The following HUWE1 variants were observed in gnomAD, a reference collection of about 807,000 sequenced individuals.
The protein encoded by HUWE1 is HECT, UBA and WWE domain containing E3 ubiquitin protein ligase 1, also known as E3 ubiquitin-protein ligase HUWE1.
Under a neutral mutation model 299.4 loss-of-function variants are expected in HUWE1, and 18 were observed. The observed-to-expected ratio is 0.06, with a 90% confidence interval of 0.04 to 0.09. The LOEUF (loss-of-function observed/expected upper bound fraction) is 0.09, where lower values mean the gene tolerates loss of function less well. HUWE1 is among the 10% of genes least tolerant of loss of function. HUWE1 has a pLI of 1.00. For missense variants in HUWE1, 1,832 were observed against 3,462.3 expected (o/e 0.53, Z 11.82); for synonymous variants, 1,317 against 1,286.1 (o/e 1.02, Z -0.51).
chrX:53,686,005 G>T (rs2070414843), intron 2 of HUWE1, among the ~76,000 whole-genome samples: 1 of 111,853 alleles, frequency 8.9e-6, no homozygotes, highest in Admixed American at 9.4e-5. Flanking sequence ...CATAAATTTG[G>T]ATTCCCGGAT....
At position 53,560,362 on chromosome X, in the gene HUWE1, C is replaced by T. The variant is rs1556939842; in HGVS notation, c.7562G>A (p.Arg2521His). ...TGTCAGAGAACTGTGGTCTGCATGG[C>T]GCACCATCAGTGGATGGGTGGTAGG... The part of the protein sequence containing the change: ...NIPTTHPLMV[R>H]HADHSSLTLG... The change falls in exon 56 of 84, where the codon CGC becomes CAC. Residue 2521 changes from arginine (R) to histidine (H), a missense_variant. By Grantham distance (29) the Arg-to-His change is conservative. Coordinates refer to ENST00000262854, the MANE Select transcript of HUWE1 (RefSeq NM_031407.7). 2 of 1,211,389 alleles carry T rather than the reference C, an allele frequency of 1.7e-6. No homozygotes were observed. Among genetic ancestry groups the T allele is most frequent in the Non-Finnish European group, 2.2e-6 (2 of 895,372 alleles).
intron 17 of HUWE1, chrX:53,625,670 T>C (rs906317990): frequency 5.9e-5 from 10 of 168,889 alleles, no homozygotes; most frequent in Admixed American, 1.5e-4. Context: ...GGAGCATGAA[T>C]AGTCATGGGA....
chrX:53,619,765 C>G (rs1159069558), intron 19 of HUWE1, among the ~76,000 whole-genome samples: 1 of 111,243 alleles, frequency 9.0e-6, no homozygotes, highest in Non-Finnish European at 1.9e-5. Flanking sequence ...AGATGTACTT[C>G]AATAGAACTG....
chrX:53,562,126 A>C lies in HUWE1; in HGVS notation c.7323T>G (p.Asp2441Glu). 8.3e-7 allele frequency: 1 copy of C among 1,200,969 alleles called. No homozygotes were observed. The highest frequency in any genetic ancestry group is 1.1e-6 in the Non-Finnish European group (1 of 886,333). ...SQDEEEEEEE[D>E]EEDDQEDDEG... ...CCCCCCTCACCTGATCATCTTCCTC[A>C]TCTTCCTCCTCCTCCTCCTCTTCAT... is the stretch of plus-strand genomic sequence containing the variant. Residue 2441 changes from aspartate to glutamate, a missense_variant, in exon 54 of 84, where the codon GAT (aspartate) becomes GAG (glutamate). Around this residue, in one of 15 missense-constraint regions of HUWE1, gnomAD observed 170 missense variants for 335.8 expected, o/e 0.51. Transcript: ENST00000262854.
At chrX:53,581,460 G>C (rs1556967690) in intron 42 of HUWE1, among the ~76,000 whole-genome samples, 2 of 112,241 alleles carry the variant, frequency 1.8e-5, no homozygotes, top group African/African-American at 6.5e-5. Flanking sequence ...GATAGCCACT[G>C]GAGATACTGA....
chrX:53,581,037 GAGAA>G lies in HUWE1; in HGVS notation c.5521-15_5521-12del. ...TGCTGAGCGAACAACCTAGTAAAGA[GAGAA>G]AGAAACACTGTCGATTAAACACTAC... On this transcript the variant is annotated splice_polypyrimidine_tract_variant and intron_variant, in intron 42 of 83. Coordinates refer to ENST00000262854, the MANE Select transcript of HUWE1 (RefSeq NM_031407.7). 8.5e-7 allele frequency: 1 copy of G among 1,180,570 alleles called. No homozygotes were observed. Among genetic ancestry groups the G allele is most frequent in the Non-Finnish European group, 1.1e-6 (1 of 872,840 alleles).
At chrX:53,591,884 CACAT>C (rs2064183456) in intron 33 of HUWE1, among the ~76,000 whole-genome samples, 1 of 112,120 alleles carries the variant, frequency 8.9e-6, no homozygotes, top group Non-Finnish European at 1.9e-5. Context: ...AAAGCTGACA[CACAT>C]ACATACAAAC....
chrX:53,649,807 G>A (rs1480934362), intron 4 of HUWE1, among the ~76,000 whole-genome samples: 2 of 112,112 alleles, frequency 1.8e-5, no homozygotes, highest in Non-Finnish European at 3.8e-5. Context: ...CCAATTTTAC[G>A]ATGTGTAGGT....
At position 53,538,722 on chromosome X, in the gene HUWE1, ACACTCTCTCTCTCT is replaced by A. The variant is rs1428819590; in HGVS notation, c.11878+99_11878+112del. The A allele has an allele frequency of 1.8e-5, 8 of 439,974 alleles. No individual in the cohort carries two copies. In the Admixed American group the frequency reaches 2.4e-4, roughly 13 times the overall value. 36.3% of individuals were successfully genotyped at this position (439,974 alleles called of 1,213,427 possible). A position where few individuals can be genotyped will look rare whatever the true frequency, so the allele number is the denominator to read the frequency against. On this transcript the variant is annotated intron_variant, in intron 76 of 83. Coordinates refer to ENST00000262854, the MANE Select transcript of HUWE1 (RefSeq NM_031407.7). Reference sequence around the variant, plus strand: ...TACACACACACACACACACACACACACACTCTCTCTCTCTCTCTCTCTCTCTCTCTCATCAACTA... The same window carrying A: ...TACACACACACACACACACACACACACTCTCTCTCTCTCTCTCATCAACTA...
At chrX:53,673,951 T>C (rs2069683757) in intron 3 of HUWE1, among the ~76,000 whole-genome samples, 1 of 111,146 alleles carries the variant, frequency 9.0e-6, no homozygotes, top group African/African-American at 3.3e-5. Context: ...TAGCATCACA[T>C]AGTATGTACT....
In HUWE1 at chrX:53,589,603, T is replaced by C. The variant is rs782338204; in HGVS notation, c.4405A>G (p.Ile1469Val). The C allele has an allele frequency of 1.2e-5, 14 of 1,209,143 alleles. No homozygotes were observed. The highest frequency in any genetic ancestry group is 7.0e-5 in the South Asian group (4 of 56,799). The change falls in exon 36 of 84, where the codon ATC becomes GTC. Residue 1469 changes from isoleucine to valine, a missense_variant. Ile to Val is a conservative substitution (Grantham distance 29). Around this residue, in one of 15 missense-constraint regions of HUWE1, gnomAD observed 658 missense variants for 1,282.6 expected, o/e 0.51. Transcript: ENST00000262854. The part of the protein sequence containing the change: ...YRVCDLIMTA[I>V]KRNGADYRDM... ...CGATAATCTGCTCCATTACGTTTGA[T>C]TGCTGTCATGATCAGGTCACACACA...
intron 7 of HUWE1, among the ~76,000 whole-genome samples, chrX:53,643,890 C>A (rs12851158): frequency 0.41 from 45,119 of 110,731 alleles, 8,059 homozygotes; most frequent in Non-Finnish European, 0.54. Context: ...GTAGCACGAT[C>A]CTGGCTCATT....
chrX:53,606,593 T>C (rs1402848964), intron 25 of HUWE1, among the ~76,000 whole-genome samples: 2 of 111,813 alleles, frequency 1.8e-5, no homozygotes, highest in South Asian at 7.5e-4. Flanking sequence ...AATCAACAGA[T>C]GAATGGATAA....
chrX:53,642,118 T>TGCTGCAA (rs1557031674), intron 7 of HUWE1, among the ~76,000 whole-genome samples: 7 of 111,703 alleles, frequency 6.3e-5, no homozygotes, highest in Non-Finnish European at 9.4e-5. Context: ...TATATCTTAT[T>TGCTGCAA]GTATTATACT....
rs782479832 is a variant in HUWE1, at chrX:53,533,762, C to T, written c.13022+245G>A. ...CTGCAACTCCTCCTTGCTCCAGTCACGCTGGCCCTGGAATACACCATGCTC... is the reference window on the plus strand; with the variant it reads ...CTGCAACTCCTCCTTGCTCCAGTCATGCTGGCCCTGGAATACACCATGCTC... On this transcript the variant is annotated intron_variant, in intron 83 of 83. Coordinates refer to ENST00000262854, the MANE Select transcript of HUWE1 (RefSeq NM_031407.7). The T allele has an allele frequency of 4.7e-4, 209 of 448,878 alleles. 1 individual carries two copies. The highest frequency in any genetic ancestry group is 7.4e-4 in the Non-Finnish European group (189 of 256,072). The allele number at this position is 448,878 out of a possible 1,213,427, so 37.0% of individuals were successfully genotyped here. A position where few individuals can be genotyped will look rare whatever the true frequency, so the allele number is the denominator to read the frequency against.
At chrX:53,607,897 T>A (rs1368443937) in intron 24 of HUWE1, among the ~76,000 whole-genome samples, 198 bp from the exon 25 acceptor site, 1 of 111,284 alleles carries the variant, frequency 9.0e-6, no homozygotes, top group Non-Finnish European at 1.9e-5. Context: ...TTCTGCCCAA[T>A]CTCCATTTTC....
chrX:53,567,475 G>A (rs1317972451), intron 49 of HUWE1, among the ~76,000 whole-genome samples: 6 of 111,076 alleles, frequency 5.4e-5, no homozygotes. Context: ...TCCATAATAC[G>A]ACTTAAAAAT....
chrX:53,654,583 T>C (rs185038129), intron 3 of HUWE1, among the ~76,000 whole-genome samples: 3 of 111,630 alleles, frequency 2.7e-5, no homozygotes, highest in Admixed American at 1.9e-4. Flanking sequence ...CCATGTATAA[T>C]AGTAAAAGAC....
chrX:53,651,401 T>A (rs2149325457), intron 4 of HUWE1, among the ~76,000 whole-genome samples: 1 of 111,212 alleles, frequency 9.0e-6, no homozygotes, highest in East Asian at 2.8e-4. Context: ...CTGTATCCAC[T>A]GGGGATTGAT....
Sources: gnomAD v4.1 joint callset for allele counts (sites outside exome capture counted in the v4.1 genomes callset) on GRCh38, gnomAD v4.1.1 for gene constraint, gnomAD v4.1.1 regional missense constraint, MANE v1.5 for transcripts, NCBI Gene and HGNC (gene_info 2026-07-23, HGNC 2026-07-21) for gene names.